The following LURAP1L variants were observed in gnomAD, a reference collection of about 807,000 sequenced individuals.
LURAP1L encodes leucine rich adaptor protein 1-like.
LURAP1L carries 12 observed loss-of-function variants against 13.8 expected under a neutral mutation model. The observed-to-expected ratio is 0.87, with a 90% confidence interval of 0.56 to 1.41. The LOEUF (loss-of-function observed/expected upper bound fraction) is 1.41. LURAP1L is among the 40% of genes most tolerant of loss of function. The pLI is 0.00. For synonymous variants in LURAP1L, 139 were observed against 119.2 expected (o/e 1.17, Z -1.08); for missense variants, 375 against 292.9 (o/e 1.28, Z -2.04).
At position 12,807,299 on chromosome 9, in the gene LURAP1L, A is replaced by C. The variant is rs550957850; in HGVS notation, c.313-14087A>C. On this transcript the variant is annotated intron_variant, in intron 1 of 1. Coordinates refer to ENST00000319264, the MANE Select transcript of LURAP1L (RefSeq NM_203403.2). ...ACTAACTGACTAACTAACTAACTAA[A>C]TAAATAAAATGAGACTGAAAAAGAG... 3.8e-4 allele frequency among the ~76,000 whole-genome samples: 58 copies of C among 152,090 alleles called. 1 individual carries two copies. Among genetic ancestry groups the C allele is most frequent in the African/African-American group, 1.3e-3 (54 of 41,512 alleles).
At chr9:12,795,084 G>T (rs1819495133) in intron 1 of LURAP1L, among the ~76,000 whole-genome samples, 1 of 151,894 alleles carries the variant, frequency 6.6e-6, no homozygotes, top group Admixed American at 6.6e-5. Flanking sequence ...TGCTGGGGAA[G>T]CTGGTCAATT....
At chr9:12,820,791 T>A (rs1423235722) in intron 1 of LURAP1L, among the ~76,000 whole-genome samples, 1 of 152,156 alleles carries the variant, frequency 6.6e-6, no homozygotes, top group Non-Finnish European at 1.5e-5. Context: ...AATACAGGTC[T>A]TTTTTGTACT....
At chr9:12,795,524 T>C (rs1819500963) in intron 1 of LURAP1L, among the ~76,000 whole-genome samples, 1 of 152,046 alleles carries the variant, frequency 6.6e-6, no homozygotes, top group African/African-American at 2.4e-5. Flanking sequence ...GTGATAAGCA[T>C]GGATTGCCTA....
At chr9:12,777,032 C>CA (rs1563884135) in intron 1 of LURAP1L, among the ~76,000 whole-genome samples, 1 of 152,040 alleles carries the variant, frequency 6.6e-6, no homozygotes, top group African/African-American at 2.4e-5. Flanking sequence ...CAGTGGGCCT[C>CA]AAAAAGAGAA....
chr9:12,787,670 T>C (rs1348830296), intron 1 of LURAP1L, among the ~76,000 whole-genome samples: 2 of 152,202 alleles, frequency 1.3e-5, no homozygotes, highest in African/African-American at 2.4e-5. Context: ...CAGATACTTC[T>C]ATTCAGTATA....
chr9:12,814,010 T>G lies in LURAP1L; in HGVS notation c.313-7376T>G, dbSNP rs148395125. Among the ~76,000 whole-genome samples the G allele has an allele frequency of 3.3e-5, 5 of 152,334 alleles. No homozygotes were observed. In the East Asian group the frequency reaches 9.7e-4, roughly 29 times the overall value. On this transcript the variant is annotated intron_variant, in intron 1 of 1. Coordinates refer to ENST00000319264, the MANE Select transcript of LURAP1L (RefSeq NM_203403.2). Reference sequence around the variant, plus strand: ...GGAATTGACAATAAAAAGTGCTGTATATTTTATTATTATCTGTCAAGTGTG... The same window carrying G: ...GGAATTGACAATAAAAAGTGCTGTAGATTTTATTATTATCTGTCAAGTGTG...
chr9:12,784,524 TCTTA>T (rs1432306747), intron 1 of LURAP1L, among the ~76,000 whole-genome samples: 1 of 152,190 alleles, frequency 6.6e-6, no homozygotes, highest in African/African-American at 2.4e-5. Flanking sequence ...ACTCTTGTTC[TCTTA>T]CTTTACCCCA....
chr9:12,806,218 C>A (rs982959256), intron 1 of LURAP1L, among the ~76,000 whole-genome samples: 1 of 152,112 alleles, frequency 6.6e-6, no homozygotes, highest in African/African-American at 2.4e-5. Context: ...AATGAGAGAA[C>A]CAGCAAGATG....
chr9:12,818,142 A>T (rs1586888638), intron 1 of LURAP1L, among the ~76,000 whole-genome samples: 1 of 152,276 alleles, frequency 6.6e-6, no homozygotes, highest in African/African-American at 2.4e-5. Flanking sequence ...AAAAAAAAAA[A>T]AAAAAAGATT....
intron 1 of LURAP1L, among the ~76,000 whole-genome samples, chr9:12,813,325 C>T (rs753611812): frequency 6.6e-6 from 1 of 152,080 alleles, no homozygotes; most frequent in Non-Finnish European, 1.5e-5. Context: ...AAATTCATGG[C>T]ATCCTAATTA....
Position 12,775,636 on chromosome 9 carries a change from G to T in LURAP1L, c.-80G>T. On this transcript the variant is annotated 5_prime_UTR_variant, in exon 1 of 2. Transcript: ENST00000319264. ...ACCCTGGCCCCCGGAGAGGTCTGCT[G>T]ATTTCGCAGCAGCCTTCGAAGCCGT... The T allele has an allele frequency of 1.3e-6, 2 of 1,504,188 alleles. No homozygotes were observed. The highest frequency in any genetic ancestry group is 1.8e-6 in the Non-Finnish European group (2 of 1,130,316). The allele number at this position is 1,504,188 out of a possible 1,614,324, so 93.2% of individuals were successfully genotyped here.
At chr9:12,804,674 T>G in intron 1 of LURAP1L, among the ~76,000 whole-genome samples, 1 of 152,300 alleles carries the variant, frequency 6.6e-6, no homozygotes, top group East Asian at 1.9e-4. Flanking sequence ...AAAAAATTTT[T>G]TTTTAAATAG....
intron 1 of LURAP1L, among the ~76,000 whole-genome samples, chr9:12,790,067 T>G: frequency 6.6e-6 from 1 of 152,168 alleles, no homozygotes; most frequent in Non-Finnish European, 1.5e-5. Context: ...TAAAGTAAAT[T>G]TTATGCATTG....
intron 1 of LURAP1L, among the ~76,000 whole-genome samples, chr9:12,790,047 T>C (rs966687770): frequency 1.3e-5 from 2 of 152,216 alleles, no homozygotes; most frequent in South Asian, 2.1e-4. Context: ...TAAAACTTAA[T>C]GACTTATGGT....
In LURAP1L at chr9:12,792,162, A is replaced by T. The variant is rs561145113; in HGVS notation, c.312+16135A>T. On this transcript the variant is annotated intron_variant, in intron 1 of 1. Coordinates refer to ENST00000319264, the MANE Select transcript of LURAP1L (RefSeq NM_203403.2). ...GACCCATATGAAAATATAAAATAGT[A>T]GCTGGGAGGTTTGGGACTATACATG... 4.1e-4 allele frequency among the ~76,000 whole-genome samples: 63 copies of T among 152,266 alleles called. No individual in the cohort carries two copies. In the South Asian group the frequency reaches 0.013, roughly 32 times the overall value.
intron 1 of LURAP1L, among the ~76,000 whole-genome samples, chr9:12,819,901 C>CCAAG (rs1174963703): frequency 6.6e-6 from 1 of 151,982 alleles, no homozygotes; most frequent in East Asian, 1.9e-4. Flanking sequence ...TTGCAGTGAG[C>CCAAG]CAAGATTGAG....
At chr9:12,806,631 G>C (rs1177664988) in intron 1 of LURAP1L, among the ~76,000 whole-genome samples, 1 of 151,978 alleles carries the variant, frequency 6.6e-6, no homozygotes, top group Non-Finnish European at 1.5e-5. Context: ...ACAATTTTAT[G>C]TTTTACTTTT....
Position 12,779,805 on chromosome 9 carries a change from T to C in LURAP1L, c.312+3778T>C, listed in dbSNP as rs1340242502. Among the ~76,000 whole-genome samples, 5 of 152,124 alleles carry C rather than the reference T, an allele frequency of 3.3e-5. No individual in the cohort carries two copies. In the East Asian group the frequency reaches 5.8e-4, roughly 18 times the overall value. On this transcript the variant is annotated intron_variant, in intron 1 of 1. Transcript: ENST00000319264. ...ATTCTTCTCCCAGAATTTCAAAACA[T>C]TAAACATGTTAAACTGTATTTTTGT...
chr9:12,782,624 T>G (rs193274940), intron 1 of LURAP1L, among the ~76,000 whole-genome samples: 2 of 152,334 alleles, frequency 1.3e-5, no homozygotes, highest in African/African-American at 4.8e-5. Flanking sequence ...AGTATCATGC[T>G]GTTTTGGTTA....
Sources: gnomAD v4.1 joint callset for allele counts (sites outside exome capture counted in the v4.1 genomes callset) on GRCh38, gnomAD v4.1.1 for gene constraint, MANE v1.5 for transcripts, NCBI Gene and HGNC (gene_info 2026-07-23, HGNC 2026-07-21) for gene names.